CCM2L: variants seen among roughly 807,000 people sequenced by gnomAD.
The protein encoded by CCM2L is cerebral cavernous malformations 2 protein-like.
In CCM2L, 36 loss-of-function variants were observed where a neutral mutation model predicts 54.1. That is an observed-to-expected ratio of 0.67 (90% CI 0.51 to 0.88). CCM2L has a LOEUF of 0.88. Among genes scored for constraint, CCM2L ranks in the 40% least tolerant of loss-of-function variants. CCM2L has a pLI of 0.00. For synonymous variants in CCM2L, 351 were observed against 359.3 expected, an observed-to-expected ratio of 0.98 and a Z score of 0.26; for missense variants, 700 against 812.1, an observed-to-expected ratio of 0.86 and a Z score of 1.68.
chr20:32,019,428 TG>T lies in CCM2L; in HGVS notation c.933+20del. On this transcript the variant is annotated intron_variant, in intron 5 of 9. Coordinates refer to ENST00000452892, the MANE Select transcript of CCM2L (RefSeq NM_001365692.1). ...CAACAGGGTGAGCCCGAGGGCAGCC[TG>T]CTCCCAAAGCCCGGCTTCGGGAACG... 6.8e-7 allele frequency: 1 copy of T among 1,477,960 alleles called. No individual in the cohort carries two copies. Among genetic ancestry groups the T allele is most frequent in the South Asian group, 1.3e-5 (1 of 79,396 alleles). The allele number at this position is 1,477,960 out of a possible 1,614,324, so 91.6% of individuals were successfully genotyped here.
chr20:32,018,388 G>A (rs1053001118), intron 4 of CCM2L, among the ~76,000 whole-genome samples: 31 of 152,200 alleles, frequency 2.0e-4, no homozygotes, highest in African/African-American at 6.8e-4. Context: ...CTGAGGTTGA[G>A]GATGAAGGTG....
intron 1 of CCM2L, 76 bp downstream of exon 1, chr20:32,010,560 T>TGGGGGGGGG: frequency 9.5e-6 from 1 of 105,748 alleles, no homozygotes. Flanking sequence ...TGGGGCGGGG[T>TGGGGGGGGG]GGGGGGTCGG....
At chr20:32,010,539 A>C in intron 1 of CCM2L, 55 bp downstream of exon 1, 3 of 164,280 alleles carry the variant, frequency 1.8e-5, no homozygotes, top group Admixed American at 1.8e-4. Flanking sequence ...AAGCTGGGGA[A>C]GGGGGCAAAC....
chr20:32,015,042 CTG>C lies in CCM2L; in HGVS notation c.174_175del (p.Cys58Ter), dbSNP rs1568910402. The C allele has an allele frequency of 6.5e-7, 1 of 1,535,392 alleles. No individual in the cohort carries two copies. Among genetic ancestry groups the C allele is most frequent in the Admixed American group, 2.1e-5 (1 of 46,546 alleles). Reference sequence around the variant, plus strand: ...CTACCTCATCGACCCCCAGATTCTGCTGTGTGACTACCTGGAGAAAGAGGTCA... The same window carrying C: ...CTACCTCATCGACCCCCAGATTCTGCTGTGACTACCTGGAGAAAGAGGTCA... ...PDYLIDPQIL[L>X]CDYLEKEVKF... is the part of the protein sequence containing the mutation. On this transcript the variant is annotated frameshift_variant, in exon 2 of 10. Coordinates refer to ENST00000452892, the MANE Select transcript of CCM2L (RefSeq NM_001365692.1). LOFTEE classifies it high-confidence loss of function.
Position 32,029,072 on chromosome 20 carries a change from G to T in CCM2L, c.1211G>T (p.Gly404Val), listed in dbSNP as rs1330751500. The T allele has an allele frequency of 6.2e-7, 1 of 1,614,206 alleles. No homozygotes were observed. The highest frequency in any genetic ancestry group is 1.6e-4 in the Middle Eastern group (1 of 6,062). The change falls in exon 8 of 10, where the codon GGC (glycine) becomes GTC (valine). Residue 404 changes from glycine to valine, a missense_variant. Physicochemically the swap from Gly to Val is moderately radical, Grantham distance 109. Transcript: ENST00000452892. ...TPSFHGSHCSGSDHSSLGLEQ... is the reference protein window; with the variant it reads ...TPSFHGSHCSVSDHSSLGLEQ... ...TCTTTCCATGGCTCCCACTGCAGCG[G>T]CAGCGACCACAGCAGTCTGGGCTTG...
Position 32,029,748 on chromosome 20 carries a change from C to T in CCM2L, c.1312C>T (p.Leu438=), listed in dbSNP as rs140200202. ...PLEIQQFAML[L]REYRLGLPIQ... ...CGAGATCCAGCAGTTTGCGATGCTG[C>T]TGCGGGAGTACCGGCTGGGGCTGCC... Residue 438 remains leucine (L), a synonymous_variant, in exon 9 of 10, where the codon CTG becomes TTG. Transcript: ENST00000452892. 918 of 1,613,580 alleles carry T rather than the reference C, an allele frequency of 5.7e-4. 1 individual carries two copies. The highest frequency in any genetic ancestry group is 3.6e-3 in the Middle Eastern group (22 of 6,050).
intron 4 of CCM2L, among the ~76,000 whole-genome samples, chr20:32,018,473 G>A (rs1385081509): frequency 6.6e-6 from 1 of 151,960 alleles, no homozygotes; most frequent in East Asian, 1.9e-4. Flanking sequence ...CCTAGGCCAG[G>A]GCTGGATCCG....
At chr20:32,024,575 C>T (rs1568922849) in intron 6 of CCM2L, among the ~76,000 whole-genome samples, 1 of 152,136 alleles carries the variant, frequency 6.6e-6, no homozygotes, top group Non-Finnish European at 1.5e-5. Flanking sequence ...ACCTGTAATC[C>T]CAGCACTTTG....
At chr20:32,010,544 G>A (rs13039469) in intron 1 of CCM2L, 60 bp downstream of exon 1, 4 of 354,446 alleles carry the variant, frequency 1.1e-5, no homozygotes, top group East Asian at 9.1e-5. Context: ...GGGGAAGGGG[G>A]CAAACTGGGG....
At chr20:32,022,578 C>A in intron 5 of CCM2L, 82 bp from the exon 6 acceptor site, 3 of 1,525,878 alleles carry the variant, frequency 2.0e-6, no homozygotes, top group Non-Finnish European at 2.7e-6. Flanking sequence ...TTGTGCGCAT[C>A]TTCACACACT....
At chr20:32,026,863 G>A (rs962125078) in intron 7 of CCM2L, among the ~76,000 whole-genome samples, 7 of 148,786 alleles carry the variant, frequency 4.7e-5, no homozygotes, top group Admixed American at 4.1e-4. Flanking sequence ...GCGACAGAGC[G>A]AGACTCTATC....
intron 6 of CCM2L, among the ~76,000 whole-genome samples, chr20:32,023,853 C>T (rs2064829960): frequency 6.6e-6 from 1 of 152,216 alleles, no homozygotes; most frequent in Non-Finnish European, 1.5e-5. Flanking sequence ...GCTTCAGCCT[C>T]CTGAGTAGCT....
rs766855637 is a variant in CCM2L, at chr20:32,025,825, C to T, written c.1070-31C>T. On this transcript the variant is annotated intron_variant, in intron 6 of 9. Coordinates refer to ENST00000452892, the MANE Select transcript of CCM2L (RefSeq NM_001365692.1). ...GGGATGCTGATCCCTGCTTTGCTGC[C>T]TCTGACAGTCCCTCTGTCTGCTGGT... 5 of 1,300,314 alleles carry T rather than the reference C, an allele frequency of 3.8e-6. No homozygotes were observed. The Admixed American group carries it at 6.9e-5, about 18-fold the overall frequency. The allele number at this position is 1,300,314 out of a possible 1,614,324, so 80.5% of individuals were successfully genotyped here.
Position 32,019,264 on chromosome 20 carries a change from C to T in CCM2L, c.788C>T (p.Pro263Leu). 8.2e-7 allele frequency: 1 copy of T among 1,216,802 alleles called. No individual in the cohort carries two copies. Among genetic ancestry groups the T allele is most frequent in the Non-Finnish European group, 1.0e-6 (1 of 974,062 alleles). 75.4% of individuals were successfully genotyped at this position (1,216,802 alleles called of 1,614,324 possible). Residue 263 changes from proline to leucine, a missense_variant, in exon 5 of 10, where the codon CCG becomes CTG. Physicochemically the swap from Pro to Leu is moderately conservative, Grantham distance 98 (BLOSUM62 -3). Coordinates refer to ENST00000452892, the MANE Select transcript of CCM2L (RefSeq NM_001365692.1). Reference protein sequence around the residue: ...GGGGGGGAGKPGGSWERRQAG... With the variant: ...GGGGGGGAGKLGGSWERRQAG... Reference sequence around the variant, plus strand: ...GGCGGCGGCGGCGGCGCGGGAAAGCCGGGCGGTAGCTGGGAGCGGAGGCAG... The same window carrying T: ...GGCGGCGGCGGCGGCGCGGGAAAGCTGGGCGGTAGCTGGGAGCGGAGGCAG...
At chr20:32,017,523 CCT>C (rs781704195) in intron 2 of CCM2L, among the ~76,000 whole-genome samples, 72 of 152,146 alleles carry the variant, frequency 4.7e-4, no homozygotes, top group Non-Finnish European at 9.6e-4. Context: ...CCAGTTTGAT[CCT>C]CTCTAGCTAT....
chr20:32,010,766 T>C lies in CCM2L; in HGVS notation c.30+282T>C, dbSNP rs549059798. ...CTCAGTTTGGGAGATTCTCCACACC[T>C]GCTTCCCTGGTGTTCCCCGCAGCTC... On this transcript the variant is annotated intron_variant, in intron 1 of 9. Coordinates refer to ENST00000452892, the MANE Select transcript of CCM2L (RefSeq NM_001365692.1). Among the ~76,000 whole-genome samples, 10 of 152,248 alleles carry C rather than the reference T, an allele frequency of 6.6e-5. No homozygotes were observed. In the South Asian group the frequency reaches 1.7e-3, roughly 25 times the overall value.
chr20:32,029,903 A>G, intron 9 of CCM2L, 65 bp downstream of exon 9: 1 of 1,453,028 alleles, frequency 6.9e-7, no homozygotes, highest in Non-Finnish European at 9.2e-7. Context: ...CATCCCAGTC[A>G]GGCACCAGGC....
rs138292205 is a variant in CCM2L at position 32,015,090 on chromosome 20, G to A, written c.198+19G>A. The A allele has an allele frequency of 3.0e-5, 44 of 1,468,010 alleles. No homozygotes were observed. The highest frequency in any genetic ancestry group is 1.1e-4 in the Admixed American group (4 of 37,714). The allele number at this position is 1,468,010 out of a possible 1,614,324, so 90.9% of individuals were successfully genotyped here. On this transcript the variant is annotated intron_variant, in intron 2 of 9. Coordinates refer to ENST00000452892, the MANE Select transcript of CCM2L (RefSeq NM_001365692.1). ...GGTCAAGGTGCGTGCAGGATGAGAA[G>A]GGGTGGGAAAACCTTGGGGTGAGGA...
intron 1 of CCM2L, among the ~76,000 whole-genome samples, chr20:32,010,714 C>T (rs1334950342): frequency 6.6e-6 from 1 of 152,152 alleles, no homozygotes; most frequent in South Asian, 2.1e-4. Context: ...CAGACAGGGA[C>T]CTTCTCAGGA....
Sources: allele counts gnomAD v4.1 joint callset (sites outside exome capture counted in the v4.1 genomes callset), GRCh38; gene constraint gnomAD v4.1.1; transcripts MANE v1.5; gene names NCBI Gene and HGNC (gene_info 2026-07-23, HGNC 2026-07-21).